Variants in KIRREL3 observed in about 807,000 individuals in gnomAD.
The protein encoded by KIRREL3 is kin of IRRE-like protein 3.
KIRREL3 carries 36 observed loss-of-function variants against 89.7 expected under a neutral mutation model. That is an observed-to-expected ratio of 0.40 (90% CI 0.31 to 0.53). The LOEUF (loss-of-function observed/expected upper bound fraction) is 0.53. Ranked by LOEUF, KIRREL3 falls within the 20% of genes least tolerant of loss-of-function variation. KIRREL3 has a pLI of 0.49. For missense variants in KIRREL3, 864 were observed against 1,056.6 expected (o/e 0.82, Z 2.53); for synonymous variants, 445 against 441.4 (o/e 1.01, Z -0.10).
In KIRREL3 at chr11:126,897,321, G is replaced by A. The variant is rs747012671; in HGVS notation, c.55+103134C>T. Among the ~76,000 whole-genome samples the A allele has an allele frequency of 3.9e-5, 6 of 152,054 alleles. No homozygotes were observed. Among genetic ancestry groups the A allele is most frequent in the Non-Finnish European group, 8.8e-5 (6 of 67,996 alleles). The stretch of plus-strand genomic sequence containing the variant: ...AGGACTGAGGGGACAGTCATGAGGG[G>A]GAGATGACACAGTTTAGGACAGGCT... On this transcript the variant is annotated intron_variant, in intron 1 of 16. Coordinates refer to ENST00000525144, the MANE Select transcript of KIRREL3 (RefSeq NM_032531.4). This position sits in a 1 kb window ranked among gnomAD's most constrained non-coding sequence, Gnocchi z 4.2.
At position 126,805,519 on chromosome 11, in the gene KIRREL3, A is replaced by G. The variant is rs1951176614; in HGVS notation, c.55+194936T>C. On this transcript the variant is annotated intron_variant, in intron 1 of 16. Coordinates refer to ENST00000525144, the MANE Select transcript of KIRREL3 (RefSeq NM_032531.4). This position sits in a 1 kb window ranked among gnomAD's most constrained non-coding sequence, Gnocchi z 4.3. ...CAGGTGCGCTGTCCCATCACAGGAA[A>G]AGAAACCTTGAGCTGATTGCAGACT... 6.6e-6 allele frequency among the ~76,000 whole-genome samples: 1 copy of G among 152,198 alleles called. No individual in the cohort carries two copies. The highest frequency in any genetic ancestry group is 2.4e-5 in the African/African-American group (1 of 41,452).
rs1254065035 is a variant in KIRREL3, at chr11:126,665,276, G to A, written c.56-102364C>T. On this transcript the variant is annotated intron_variant, in intron 1 of 16. Coordinates refer to ENST00000525144, the MANE Select transcript of KIRREL3 (RefSeq NM_032531.4). ...CACATTCTGTTTGTGCCACACGTGT[G>A]TTTTGTCACTGAGACTGCCAGCTCT... Among the ~76,000 whole-genome samples, 4 of 152,190 alleles carry A rather than the reference G, an allele frequency of 2.6e-5. No individual in the cohort carries two copies. In the East Asian group the frequency reaches 7.7e-4, roughly 29 times the overall value.
Position 126,530,800 on chromosome 11 carries a change from G to A in KIRREL3, c.134-4113C>T, listed in dbSNP as rs902514122. 3.3e-5 allele frequency among the ~76,000 whole-genome samples: 5 copies of A among 152,072 alleles called. No individual in the cohort carries two copies. The highest frequency in any genetic ancestry group is 1.2e-4 in the African/African-American group (5 of 41,404). On this transcript the variant is annotated intron_variant, in intron 2 of 16. Coordinates refer to ENST00000525144, the MANE Select transcript of KIRREL3 (RefSeq NM_032531.4). The surrounding 1 kb of genome is among the most constrained non-coding windows in gnomAD (Gnocchi z 5.8). ...CCCCTGGTGTGAAGCCTTGGCGGCC[G>A]GTGCAATCTCCCCTTCCCATACTTT...
In KIRREL3 at chr11:126,655,235, C is replaced by T. The variant is rs562131355; in HGVS notation, c.56-92323G>A. Among the ~76,000 whole-genome samples, 78 of 152,336 alleles carry T rather than the reference C, an allele frequency of 5.1e-4. 3 individuals are homozygous for T. The South Asian group carries it at 0.014, about 27-fold the overall frequency. ...GAGTCAGGATAATTTTTCCTGATGT[C>T]AAAGCCTCACCCAGGAGAGCTCTCG... On this transcript the variant is annotated intron_variant, in intron 1 of 16. Transcript: ENST00000525144. This position sits in a 1 kb window ranked among gnomAD's most constrained non-coding sequence, Gnocchi z 5.0.
In KIRREL3 at chr11:126,525,294, A is replaced by T. The variant is rs1475742577; in HGVS notation, c.283+1244T>A. On this transcript the variant is annotated intron_variant, in intron 3 of 16. Coordinates refer to ENST00000525144, the MANE Select transcript of KIRREL3 (RefSeq NM_032531.4). This position sits in a 1 kb window ranked among gnomAD's most constrained non-coding sequence, Gnocchi z 5.4. The stretch of plus-strand genomic sequence containing the variant: ...CTCGGAGCCATTCAGTGCATGAACT[A>T]TTCTAGTTTGGGAAGGTTGTATCAT... Among the ~76,000 whole-genome samples, 1 of 152,192 alleles carries T rather than the reference A, an allele frequency of 6.6e-6. No homozygotes were observed. Among genetic ancestry groups the T allele is most frequent in the African/African-American group, 2.4e-5 (1 of 41,446 alleles).
In KIRREL3 at chr11:126,811,420, TC is replaced by T. The variant is rs1951383377; in HGVS notation, c.55+189034del. The stretch of plus-strand genomic sequence containing the variant: ...GTCTGAATTTTGGTTAATTGCTGCA[TC>T]CCTAGAACCCTGAAAAGTGTCTAGC... On this transcript the variant is annotated intron_variant, in intron 1 of 16. Transcript: ENST00000525144. This position sits in a 1 kb window ranked among gnomAD's most constrained non-coding sequence, Gnocchi z 4.3. Among the ~76,000 whole-genome samples, 1 of 152,128 alleles carries T rather than the reference TC, an allele frequency of 6.6e-6. No individual in the cohort carries two copies. The highest frequency in any genetic ancestry group is 1.5e-5 in the Non-Finnish European group (1 of 68,020).
At position 126,609,432 on chromosome 11, in the gene KIRREL3, C is replaced by T. The variant is rs561700940; in HGVS notation, c.56-46520G>A. On this transcript the variant is annotated intron_variant, in intron 1 of 16. Coordinates refer to ENST00000525144, the MANE Select transcript of KIRREL3 (RefSeq NM_032531.4). This position sits in a 1 kb window ranked among gnomAD's most constrained non-coding sequence, Gnocchi z 5.0. The stretch of plus-strand genomic sequence containing the variant: ...TAAGCAACCAGAGTTATTCCTGCCT[C>T]GGGACATGTATGAGGACGGTCTCCT... Among the ~76,000 whole-genome samples the T allele has an allele frequency of 1.4e-4, 22 of 152,252 alleles. No homozygotes were observed. The highest frequency in any genetic ancestry group is 4.6e-4 in the African/African-American group (19 of 41,548).
chr11:126,826,634 GA>G (rs1483200942), intron 1 of KIRREL3, among the ~76,000 whole-genome samples: 1 of 152,156 alleles, frequency 6.6e-6, no homozygotes, highest in Admixed American at 6.5e-5. Flanking sequence ...ATACGTGTTG[GA>G]GGTGTTGGGA....
rs897354993 is a variant in KIRREL3 at position 126,515,666 on chromosome 11, G to A, written c.433+5649C>T. ...TGGTGAGCGGAAGGAGATGCCAGCTGCTTGTTAGTGCGGGAGCAGGTTGGC... is the reference window on the plus strand; with the variant it reads ...TGGTGAGCGGAAGGAGATGCCAGCTACTTGTTAGTGCGGGAGCAGGTTGGC... On this transcript the variant is annotated intron_variant, in intron 4 of 16. Transcript: ENST00000525144. This position sits in a 1 kb window ranked among gnomAD's most constrained non-coding sequence, Gnocchi z 4.2. Among the ~76,000 whole-genome samples the A allele has an allele frequency of 1.3e-5, 2 of 152,182 alleles. No homozygotes were observed. The highest frequency in any genetic ancestry group is 1.3e-4 in the Admixed American group (2 of 15,284).
rs968962198 is a variant in KIRREL3, at chr11:126,892,594, G to A, written c.55+107861C>T. 2.0e-5 allele frequency among the ~76,000 whole-genome samples: 3 copies of A among 152,304 alleles called. No homozygotes were observed. Among genetic ancestry groups the A allele is most frequent in the South Asian group, 2.1e-4 (1 of 4,820 alleles). Reference sequence around the variant, plus strand: ...AAGTAAGGCCTGGCTCTGTGCACGTGTGTGTGCATGTGCACGTGTGTATGT... The same window carrying A: ...AAGTAAGGCCTGGCTCTGTGCACGTATGTGTGCATGTGCACGTGTGTATGT... On this transcript the variant is annotated intron_variant, in intron 1 of 16. Coordinates refer to ENST00000525144, the MANE Select transcript of KIRREL3 (RefSeq NM_032531.4). This position sits in a 1 kb window ranked among gnomAD's most constrained non-coding sequence, Gnocchi z 5.4.
chr11:126,963,314 C>CAT (rs528070168), intron 1 of KIRREL3, among the ~76,000 whole-genome samples: 1 of 148,940 alleles, frequency 6.7e-6, no homozygotes, highest in Non-Finnish European at 1.5e-5. Flanking sequence ...CACACATACA[C>CAT]ACACACACAC....
chr11:126,526,665 C>T lies in KIRREL3; in HGVS notation c.156G>A (p.Gln52=). 3 of 1,571,556 alleles carry T rather than the reference C, an allele frequency of 1.9e-6. No homozygotes were observed. Among genetic ancestry groups the T allele is most frequent in the Non-Finnish European group, 2.6e-6 (3 of 1,158,300 alleles). Residue 52 remains glutamine (Q), a synonymous_variant, in exon 3 of 17, where the codon CAG becomes CAA. Transcript: ENST00000525144. The surrounding 1 kb of genome is among the most constrained non-coding windows in gnomAD (Gnocchi z 5.7). ...ACACCACCACCTGGTCCTGGGGCTG[C>T]TGGCTGAAGGAATAGACTTGGCCTG... ...MNEGQVYSFS[Q]QPQDQVVVSG...
chr11:126,866,296 G>T (rs1944917004), intron 1 of KIRREL3, among the ~76,000 whole-genome samples: 1 of 152,158 alleles, frequency 6.6e-6, no homozygotes. Flanking sequence ...TTTCCACCTG[G>T]CCTGGCCAGG....
chr11:126,865,574 C>T (rs1016767982), intron 1 of KIRREL3, among the ~76,000 whole-genome samples: 1 of 152,230 alleles, frequency 6.6e-6, no homozygotes, highest in African/African-American at 2.4e-5. Flanking sequence ...GAGGTCTGCA[C>T]ACCTTGTTCA....
In KIRREL3 at chr11:126,909,534, G is replaced by A. The variant is rs7941776; in HGVS notation, c.55+90921C>T. Among the ~76,000 whole-genome samples, 3,533 of 152,196 alleles carry A rather than the reference G, an allele frequency of 0.023. 151 individuals are homozygous for A. The highest frequency in any genetic ancestry group is 0.08 in the African/African-American group (3,335 of 41,490). On this transcript the variant is annotated intron_variant, in intron 1 of 16. Transcript: ENST00000525144. This position sits in a 1 kb window ranked among gnomAD's most constrained non-coding sequence, Gnocchi z 4.5. ...AGAGTGCTCTGAGTTGAGATACACC[G>A]CCCACAATACACCCCGTGGGTAATT...
rs1427026445 is a variant in KIRREL3 at position 126,694,456 on chromosome 11, A to G, written c.56-131544T>C. The stretch of plus-strand genomic sequence containing the variant: ...CCGTGACATTTAAAAGTGGGGAAGG[A>G]AAATACTGCAGAGGAAGCAGGGCGA... On this transcript the variant is annotated intron_variant, in intron 1 of 16. Transcript: ENST00000525144. The surrounding 1 kb of genome is among the most constrained non-coding windows in gnomAD (Gnocchi z 4.4). 6.6e-6 allele frequency among the ~76,000 whole-genome samples: 1 copy of G among 152,124 alleles called. No homozygotes were observed. Among genetic ancestry groups the G allele is most frequent in the East Asian group, 1.9e-4 (1 of 5,186 alleles).
At chr11:126,450,997 A>C (rs1487890083) in intron 7 of KIRREL3, among the ~76,000 whole-genome samples, 1 of 128,370 alleles carries the variant, frequency 7.8e-6, no homozygotes, top group African/African-American at 3.1e-5. Flanking sequence ...GTCAATGTGC[A>C]TGTGTGCACG....
chr11:126,860,060 A>T lies in KIRREL3; in HGVS notation c.55+140395T>A, dbSNP rs963535968. 1.5e-4 allele frequency among the ~76,000 whole-genome samples: 23 copies of T among 152,172 alleles called. No homozygotes were observed. Among genetic ancestry groups the T allele is most frequent in the African/African-American group, 5.5e-4 (23 of 41,448 alleles). On this transcript the variant is annotated intron_variant, in intron 1 of 16. Transcript: ENST00000525144. The surrounding 1 kb of genome is among the most constrained non-coding windows in gnomAD (Gnocchi z 4.6). Reference sequence around the variant, plus strand: ...TCTGAGAAGCGTAATCTGAAAGGGGACAGACATTTTTGACCAATAGATTAA... The same window carrying T: ...TCTGAGAAGCGTAATCTGAAAGGGGTCAGACATTTTTGACCAATAGATTAA...
At position 126,475,954 on chromosome 11, in the gene KIRREL3, G is replaced by C. The variant is rs1052818430; in HGVS notation, c.434-2488C>G. On this transcript the variant is annotated intron_variant, in intron 4 of 16. Coordinates refer to ENST00000525144, the MANE Select transcript of KIRREL3 (RefSeq NM_032531.4). The surrounding 1 kb of genome is among the most constrained non-coding windows in gnomAD (Gnocchi z 7.5). Reference sequence around the variant, plus strand: ...CTCGGGCTCCATGAGCTAGCTGAGGGCCTGGAAAAAGAGCCACGTGGAGCC... The same window carrying C: ...CTCGGGCTCCATGAGCTAGCTGAGGCCCTGGAAAAAGAGCCACGTGGAGCC... Among the ~76,000 whole-genome samples, 4 of 152,332 alleles carry C rather than the reference G, an allele frequency of 2.6e-5. No individual in the cohort carries two copies. The South Asian group carries it at 6.2e-4, about 24-fold the overall frequency.
Sources: gnomAD v4.1 joint callset for allele counts (sites outside exome capture counted in the v4.1 genomes callset) on GRCh38, gnomAD v4.1.1 for gene constraint, Gnocchi (gnomAD v3.1) non-coding constraint, MANE v1.5 for transcripts, NCBI Gene and HGNC (gene_info 2026-07-23, HGNC 2026-07-21) for gene names.